Variants in TFDP2 observed in about 807,000 individuals in gnomAD.
TFDP2 encodes the protein transcription factor Dp-2.
In TFDP2, 17 loss-of-function variants were observed where a neutral mutation model predicts 59.3. The observed-to-expected ratio is 0.29, with a 90% CI of 0.20 to 0.43. The LOEUF (loss-of-function observed/expected upper bound fraction) is 0.43, where lower values mean the gene tolerates loss of function less well. Ranked by LOEUF, TFDP2 falls within the 20% of genes least tolerant of loss-of-function variation. The pLI, the probability that TFDP2 is intolerant of heterozygous loss-of-function variation, is 1.00. For missense variants in TFDP2, 391 were observed against 528.8 expected (o/e 0.74, Z 2.56); for synonymous variants, 180 against 194.7 (o/e 0.92, Z 0.63).
At chr3:142,119,502 A>T (rs1211261180) in intron 1 of TFDP2, among the ~76,000 whole-genome samples, 1 of 152,224 alleles carries the variant, frequency 6.6e-6, no homozygotes, top group East Asian at 1.9e-4. Flanking sequence ...GCCATCAAAA[A>T]ACAGTTTGAC....
intron 5 of TFDP2, 83 bp downstream of exon 5, chr3:141,994,937 C>T (rs1304917075): frequency 7.9e-7 from 1 of 1,262,514 alleles, no homozygotes; most frequent in Non-Finnish European, 1.1e-6. Context: ...TAAACTAAAA[C>T]AAGAACAGAA....
chr3:141,976,032 C>G (rs1349604059), intron 7 of TFDP2, among the ~76,000 whole-genome samples: 2 of 151,938 alleles, frequency 1.3e-5, no homozygotes, highest in African/African-American at 2.4e-5. Context: ...AGGCGCCCAC[C>G]ACCACACCCA....
At chr3:142,141,432 A>C (rs1430293216) in intron 1 of TFDP2, among the ~76,000 whole-genome samples, 1 of 152,166 alleles carries the variant, frequency 6.6e-6, no homozygotes, top group Admixed American at 6.5e-5. Flanking sequence ...GAAATGCAGA[A>C]ATCACCCATC....
intron 6 of TFDP2, among the ~76,000 whole-genome samples, chr3:141,992,268 TA>T (rs888405557): frequency 8.5e-4 from 126 of 147,584 alleles, no homozygotes; most frequent in Middle Eastern, 6.9e-3. Flanking sequence ...TAAAAAATGA[TA>T]AAAAAAAAAT....
chr3:141,967,882 G>A (rs923226796), intron 9 of TFDP2, among the ~76,000 whole-genome samples: 78 of 152,252 alleles, frequency 5.1e-4, no homozygotes, highest in African/African-American at 1.6e-3. Context: ...ACACACATGA[G>A]GGTGATCTTG....
chr3:142,054,946 T>C (rs2059689470), intron 3 of TFDP2, among the ~76,000 whole-genome samples: 1 of 152,212 alleles, frequency 6.6e-6, no homozygotes, highest in Non-Finnish European at 1.5e-5. Context: ...AAGTTATACT[T>C]GAACCTGATT....
At chr3:142,081,255 T>C (rs13353394) in intron 3 of TFDP2, among the ~76,000 whole-genome samples, 6,204 of 151,972 alleles carry the variant, frequency 0.041, 141 homozygotes, top group South Asian at 0.061. Flanking sequence ...AAAAAGAAAT[T>C]AGAAAGAAAT....
intron 3 of TFDP2, among the ~76,000 whole-genome samples, chr3:142,086,689 C>T (rs774778646): frequency 2.6e-5 from 4 of 152,098 alleles, no homozygotes; most frequent in African/African-American, 4.8e-5. Flanking sequence ...GGAAACTCTC[C>T]AAACCTTACA....
rs148353865 is a variant in TFDP2, at chr3:142,101,996, T to C, written c.-92-155A>G. 0.017 allele frequency among the ~76,000 whole-genome samples: 2,516 copies of C among 152,316 alleles called. 33 individuals carry two copies. The highest frequency in any genetic ancestry group is 0.025 in the Non-Finnish European group (1,690 of 68,026). ...AGGTTTGTACCATCTTAATCCCCAT[T>C]TTCCAAATAAAAACTAGGGCTTAGA... On this transcript the variant is annotated intron_variant, in intron 1 of 12. Transcript: ENST00000489671.
At chr3:142,018,144 A>G (rs909009019) in intron 3 of TFDP2, among the ~76,000 whole-genome samples, 16 of 151,664 alleles carry the variant, frequency 1.1e-4, no homozygotes, top group Non-Finnish European at 2.2e-4. Flanking sequence ...GGGTCTCGTC[A>G]TGCTGGCCAG....
At chr3:142,013,899 T>C (rs1366143665) in intron 3 of TFDP2, among the ~76,000 whole-genome samples, 4 of 152,070 alleles carry the variant, frequency 2.6e-5, no homozygotes, top group Admixed American at 1.3e-4. Context: ...CTAATATAAC[T>C]TTTTTTTCAT....
chr3:142,101,801 G>GA lies in TFDP2; in HGVS notation c.-53dup. 2 of 1,129,762 alleles carry GA rather than the reference G, an allele frequency of 1.8e-6. No individual in the cohort carries two copies. The highest frequency in any genetic ancestry group is 2.2e-5 in the South Asian group (1 of 45,616). 70.0% of individuals were successfully genotyped at this position (1,129,762 alleles called of 1,614,324 possible). A position where few individuals can be genotyped will look rare whatever the true frequency, so the allele number is the denominator to read the frequency against. ...TGTAAAGCCATTAAAAAAATAAAAA[G>GA]AAAAAAACCTTCGTCTTCAATAATT... On this transcript the variant is annotated 5_prime_UTR_variant, in exon 2 of 13. Transcript: ENST00000489671.
At chr3:141,994,239 A>G (rs1402478352) in intron 5 of TFDP2, 1 of 152,226 alleles carries the variant, frequency 6.6e-6, no homozygotes, top group Non-Finnish European at 1.5e-5. Context: ...TGCCAGGATT[A>G]TTAATTCACT....
intron 3 of TFDP2, among the ~76,000 whole-genome samples, chr3:142,083,211 G>A (rs1241088038): frequency 6.6e-6 from 1 of 152,000 alleles, no homozygotes; most frequent in Non-Finnish European, 1.5e-5. Context: ...GCTTTCTAAT[G>A]GCAACAGTGA....
intron 3 of TFDP2, among the ~76,000 whole-genome samples, chr3:142,066,648 T>C (rs2060082921): frequency 6.6e-6 from 1 of 152,176 alleles, no homozygotes. Context: ...CAAACCATCG[T>C]TAAGTTGGGG....
At chr3:142,148,912 C>A (rs780961993) in intron 1 of TFDP2, among the ~76,000 whole-genome samples, 54 of 152,362 alleles carry the variant, frequency 3.5e-4, no homozygotes, top group Middle Eastern at 6.8e-3. Context: ...AGAAAGCAGC[C>A]CTTCCCCTCT....
At chr3:142,084,832 T>C (rs2060757236) in intron 3 of TFDP2, among the ~76,000 whole-genome samples, 1 of 151,982 alleles carries the variant, frequency 6.6e-6, no homozygotes. Flanking sequence ...GGAAACATAG[T>C]GGCGTGGCAG....
chr3:142,075,449 G>GT (rs1217082887), intron 3 of TFDP2, among the ~76,000 whole-genome samples: 1 of 152,112 alleles, frequency 6.6e-6, no homozygotes, highest in Non-Finnish European at 1.5e-5. Flanking sequence ...ATAAGATTTT[G>GT]TTTTTTCTGC....
At chr3:142,043,654 G>A in intron 3 of TFDP2, 1 of 948,528 alleles carries the variant, frequency 1.1e-6, no homozygotes, top group Non-Finnish European at 1.7e-6. Flanking sequence ...CTTAGACAAA[G>A]TCTTGATGAT....
Sources: allele counts gnomAD v4.1 joint callset (sites outside exome capture counted in the v4.1 genomes callset), GRCh38; gene constraint gnomAD v4.1.1; transcripts MANE v1.5; gene names NCBI Gene and HGNC (gene_info 2026-07-23, HGNC 2026-07-21).